Variants in ATP8B4 observed in about 807,000 individuals in gnomAD.
The protein encoded by ATP8B4 is probable phospholipid-transporting ATPase IM.
Under a neutral mutation model 145.6 loss-of-function variants are expected in ATP8B4, and 133 were observed. The ratio of observed to expected loss-of-function variants is 0.91; its 90% confidence interval spans 0.79 to 1.05. The LOEUF (loss-of-function observed/expected upper bound fraction) is 1.05, where lower values mean the gene tolerates loss of function less well. Ranked by LOEUF, ATP8B4 falls within the 50% of genes least tolerant of loss-of-function variation. ATP8B4 has a pLI of 0.00. For missense variants in ATP8B4, 1,458 were observed against 1,425.2 expected (o/e 1.02, Z -0.37); for synonymous variants, 507 against 492.9 (o/e 1.03, Z -0.38).
chr15:49,972,468 A>G (rs1317338715), intron 13 of ATP8B4, 114 bp downstream of exon 13: 2 of 965,354 alleles, frequency 2.1e-6, no homozygotes, highest in Non-Finnish European at 1.5e-6. Context: ...GACGGTGCCC[A>G]TATTAATAAG....
At chr15:49,890,177 G>T (rs1027093094) in intron 23 of ATP8B4, among the ~76,000 whole-genome samples, 1 of 152,180 alleles carries the variant, frequency 6.6e-6, no homozygotes, top group Non-Finnish European at 1.5e-5. Flanking sequence ...GCCCTAAATT[G>T]GCACCCAGTT....
intron 2 of ATP8B4, among the ~76,000 whole-genome samples, chr15:50,085,938 T>C (rs1308251771): frequency 1.3e-5 from 1 of 75,344 alleles, no homozygotes; most frequent in Admixed American, 1.7e-4. Context: ...CATATATATT[T>C]ATATATGATA....
intron 2 of ATP8B4, among the ~76,000 whole-genome samples, chr15:50,094,831 T>C (rs1333479024): frequency 1.3e-5 from 2 of 151,786 alleles, no homozygotes; most frequent in Admixed American, 6.6e-5. Flanking sequence ...CTCAAGACCC[T>C]TTCATGGTTT....
At chr15:49,862,514 T>A in intron 26 of ATP8B4, 139 bp from the exon 27 acceptor site, 2 of 989,266 alleles carry the variant, frequency 2.0e-6, no homozygotes, top group Non-Finnish European at 2.8e-6. Context: ...TGGAATGCAG[T>A]GGTGCGATCT....
chr15:50,060,391 T>C (rs768568634), intron 3 of ATP8B4, among the ~76,000 whole-genome samples: 6 of 152,132 alleles, frequency 3.9e-5, no homozygotes, highest in Non-Finnish European at 7.4e-5. Context: ...TAAATAATAC[T>C]TGAGTGAGTG....
chr15:49,866,004 A>G (rs1415591182), intron 26 of ATP8B4, among the ~76,000 whole-genome samples: 1 of 152,200 alleles, frequency 6.6e-6, no homozygotes, highest in Non-Finnish European at 1.5e-5. Flanking sequence ...AGAGTCTAGT[A>G]TTTCTTTTTC....
At chr15:49,990,869 G>A (rs1472192097) in intron 9 of ATP8B4, among the ~76,000 whole-genome samples, 3 of 152,036 alleles carry the variant, frequency 2.0e-5, no homozygotes, top group Admixed American at 6.6e-5. Context: ...CTCTAGCCAA[G>A]AGTTTTTTTA....
intron 20 of ATP8B4, among the ~76,000 whole-genome samples, chr15:49,909,722 CAAAAAAAA>C (rs995336781): frequency 9.7e-5 from 7 of 72,030 alleles, no homozygotes; most frequent in African/African-American, 2.7e-4. Context: ...CTTTGTTTAC[CAAAAAAAA>C]AAAAAAAAAA....
At chr15:49,960,023 A>C (rs970098727) in intron 14 of ATP8B4, among the ~76,000 whole-genome samples, 10 of 144,416 alleles carry the variant, frequency 6.9e-5, no homozygotes, top group Non-Finnish European at 1.5e-4. Context: ...CCTTGTCAAT[A>C]ATTTTTTTGG....
At chr15:49,897,247 A>G (rs1566946368) in intron 23 of ATP8B4, 45 bp downstream of exon 23, 1 of 1,511,328 alleles carries the variant, frequency 6.6e-7, no homozygotes, top group South Asian at 1.2e-5. Flanking sequence ...ATATCATACA[A>G]AAACAAACAA....
At chr15:50,103,094 T>C (rs1000849884) in intron 2 of ATP8B4, among the ~76,000 whole-genome samples, 1 of 151,878 alleles carries the variant, frequency 6.6e-6, no homozygotes, top group Non-Finnish European at 1.5e-5. Context: ...GAGCACACCT[T>C]AAGTTAATAA....
chr15:50,003,273 CAT>C (rs1491567021), intron 7 of ATP8B4, among the ~76,000 whole-genome samples: 6 of 85,886 alleles, frequency 7.0e-5, no homozygotes, highest in Admixed American at 3.8e-4. Flanking sequence ...ATAGGGTGTG[CAT>C]GTGTGTGTGT....
At chr15:49,926,076 G>A (rs777180730) in intron 16 of ATP8B4, among the ~76,000 whole-genome samples, 2 of 151,730 alleles carry the variant, frequency 1.3e-5, no homozygotes, top group Non-Finnish European at 2.9e-5. Flanking sequence ...ACTGTCCCTG[G>A]GCAACTGCAT....
Position 49,979,762 on chromosome 15 carries a change from T to A in ATP8B4, c.889A>T (p.Ile297Phe), listed in dbSNP as rs114086412. Residue 297 changes from isoleucine (I) to phenylalanine (F), a missense_variant, in exon 12 of 28, where the codon ATC (isoleucine) becomes TTC (phenylalanine). Physicochemically the swap from Ile to Phe is conservative, Grantham distance 21. Coordinates refer to ENST00000284509, the MANE Select transcript of ATP8B4 (RefSeq NM_024837.4). ...LGIILAIGNS[I>F]WESQTGDQFR... is the part of the protein sequence containing the mutation. ...TGGTCCCCAGTTTGACTCTCCCAGA[T>A]TGAATTTCCTATTGCAAGAATAATT... 1.2e-6 allele frequency: 2 copies of A among 1,609,334 alleles called. No individual in the cohort carries two copies. Among genetic ancestry groups the A allele is most frequent in the South Asian group, 2.2e-5 (2 of 90,684 alleles).
chr15:49,864,952 T>C (rs749569522), intron 26 of ATP8B4, among the ~76,000 whole-genome samples: 7 of 152,228 alleles, frequency 4.6e-5, no homozygotes, highest in Non-Finnish European at 8.8e-5. Flanking sequence ...TCTTCTCTGT[T>C]TTCTGGCATA....
chr15:49,947,135 T>C (rs1455597761), intron 14 of ATP8B4, among the ~76,000 whole-genome samples: 1 of 152,080 alleles, frequency 6.6e-6, no homozygotes, highest in East Asian at 1.9e-4. Context: ...CACTGAAAAT[T>C]AGAAAACATT....
At position 50,094,556 on chromosome 15, in the gene ATP8B4, C is replaced by T. The variant is rs1452527714; in HGVS notation, c.28+12383G>A. Among the ~76,000 whole-genome samples the T allele has an allele frequency of 2.7e-5, 4 of 147,550 alleles. No individual in the cohort carries two copies. The South Asian group carries it at 8.7e-4, about 32-fold the overall frequency. On this transcript the variant is annotated intron_variant, in intron 2 of 27. Transcript: ENST00000284509. ...CACATACATACATGTATATATACACCTATATACAAATATAGGTGTATATAC... is the reference window on the plus strand; with the variant it reads ...CACATACATACATGTATATATACACTTATATACAAATATAGGTGTATATAC...
chr15:50,146,713 G>A (rs1320608281), intron 1 of ATP8B4, among the ~76,000 whole-genome samples: 1 of 152,140 alleles, frequency 6.6e-6, no homozygotes, highest in Non-Finnish European at 1.5e-5. Flanking sequence ...GCTCATAGAT[G>A]GTTTGAAGCG....
At chr15:50,071,385 C>T (rs778002853) in intron 3 of ATP8B4, among the ~76,000 whole-genome samples, 29 of 152,054 alleles carry the variant, frequency 1.9e-4, no homozygotes, top group Non-Finnish European at 3.7e-4. Flanking sequence ...TTGAAAAGAG[C>T]GTATCACTTT....
Sources: gnomAD v4.1 joint callset for allele counts (sites outside exome capture counted in the v4.1 genomes callset) on GRCh38, gnomAD v4.1.1 for gene constraint, MANE v1.5 for transcripts, NCBI Gene and HGNC (gene_info 2026-07-23, HGNC 2026-07-21) for gene names.